Variants in STXBP5L observed in about 807,000 individuals in gnomAD.
STXBP5L encodes the protein syntaxin-binding protein 5-like.
In STXBP5L, 65 loss-of-function variants were observed where a neutral mutation model predicts 144.5. The ratio of observed to expected loss-of-function variants is 0.45; its 90% CI spans 0.37 to 0.55. The LOEUF (loss-of-function observed/expected upper bound fraction) is 0.55, where lower values mean the gene tolerates loss of function less well. STXBP5L is among the 20% of genes least tolerant of loss of function. The pLI is 0.00. For missense variants in STXBP5L, 1,298 were observed against 1,405.5 expected (o/e 0.92, Z 1.22); for synonymous variants, 505 against 469.6 (o/e 1.08, Z -0.97).
intron 5 of STXBP5L, among the ~76,000 whole-genome samples, chr3:121,081,100 G>C (rs975247937): frequency 3.3e-5 from 5 of 150,034 alleles, no homozygotes; most frequent in African/African-American, 1.2e-4. Context: ...TGAATGCCTT[G>C]TCTCTGACCT....
rs1374420166 is a variant in STXBP5L, at chr3:121,041,712, T to A, written c.300T>A (p.Pro100=). ...RTGAIRILGR[P]GVDCYCQHES... ...TTTATTATATTAGACTCGGGAGACCTGGTGTTGATTGCTATTGCCAACATG... is the reference window on the plus strand; with the variant it reads ...TTTATTATATTAGACTCGGGAGACCAGGTGTTGATTGCTATTGCCAACATG... Residue 100 remains proline, a synonymous_variant, in exon 4 of 27, where the codon CCT becomes CCA. Coordinates refer to ENST00000471454, the MANE Select transcript of STXBP5L (RefSeq NM_001308330.2). 6.2e-7 allele frequency: 1 copy of A among 1,612,186 alleles called. No homozygotes were observed. Among genetic ancestry groups the A allele is most frequent in the South Asian group, 1.1e-5 (1 of 91,032 alleles).
intron 3 of STXBP5L, among the ~76,000 whole-genome samples, chr3:120,997,133 A>G (rs778764726): frequency 6.6e-6 from 1 of 151,502 alleles, no homozygotes; most frequent in Non-Finnish European, 1.5e-5. Context: ...GATTTTTTTT[A>G]TGGCTGCATA....
intron 3 of STXBP5L, among the ~76,000 whole-genome samples, chr3:120,959,135 T>G (rs1938425120): frequency 6.6e-6 from 1 of 151,942 alleles, no homozygotes; most frequent in Non-Finnish European, 1.5e-5. Context: ...AAATCATGAG[T>G]GAACTCCCAT....
rs899715877 is a variant in STXBP5L, at chr3:121,422,955, G to A, written c.*3858G>A. 1 of 151,956 alleles carries A rather than the reference G, an allele frequency of 6.6e-6. No homozygotes were observed. Among genetic ancestry groups the A allele is most frequent in the African/African-American group, 2.4e-5 (1 of 41,360 alleles). 9.4% of individuals were successfully genotyped at this position (151,956 alleles called of 1,614,324 possible). On this transcript the variant is annotated 3_prime_UTR_variant, in exon 27 of 27. Transcript: ENST00000471454. ...ATTAGGCCTAACATTGGTTGAAGAAGATTAAAATAGATTCTTATATTCAAG... is the reference window on the plus strand; with the variant it reads ...ATTAGGCCTAACATTGGTTGAAGAAAATTAAAATAGATTCTTATATTCAAG...
intron 2 of STXBP5L, among the ~76,000 whole-genome samples, chr3:120,927,699 A>T (rs919606591): frequency 6.6e-6 from 1 of 151,746 alleles, no homozygotes; most frequent in Non-Finnish European, 1.5e-5. Flanking sequence ...CTTCCCTGTG[A>T]CCCTAGAAGC....
chr3:121,151,915 GAA>G (rs1332155506), intron 7 of STXBP5L, among the ~76,000 whole-genome samples: 3 of 151,462 alleles, frequency 2.0e-5, no homozygotes, highest in Non-Finnish European at 4.4e-5. Context: ...CTATTTTAAA[GAA>G]ATATTTTATT....
intron 3 of STXBP5L, among the ~76,000 whole-genome samples, chr3:121,001,010 G>T (rs184979406): frequency 5.9e-5 from 9 of 152,268 alleles, no homozygotes; most frequent in African/African-American, 1.7e-4. Flanking sequence ...CGGGGGGAAG[G>T]GGGTAAGTGT....
intron 9 of STXBP5L, among the ~76,000 whole-genome samples, chr3:121,161,395 G>T (rs2046317566): frequency 6.6e-6 from 1 of 151,946 alleles, no homozygotes; most frequent in South Asian, 2.1e-4. Flanking sequence ...GGAATCTGTA[G>T]TAGCTTGAAT....
At chr3:120,975,328 G>T (rs1940834767) in intron 3 of STXBP5L, among the ~76,000 whole-genome samples, 1 of 152,142 alleles carries the variant, frequency 6.6e-6, no homozygotes, top group South Asian at 2.1e-4. Context: ...GTTCACTCAT[G>T]ATTTGGCTCT....
intron 7 of STXBP5L, among the ~76,000 whole-genome samples, chr3:121,143,725 G>A (rs1559793607): frequency 2.0e-5 from 3 of 151,810 alleles, no homozygotes; most frequent in Admixed American, 2.0e-4. Context: ...TTTTAAACAA[G>A]TGGTATTGAG....
At chr3:121,243,066 C>T (rs893806983) in intron 14 of STXBP5L, among the ~76,000 whole-genome samples, 2 of 152,150 alleles carry the variant, frequency 1.3e-5, no homozygotes, top group Admixed American at 1.3e-4. Flanking sequence ...AAGTGCAACT[C>T]ATGGCTTCAC....
At chr3:121,343,931 G>C (rs556584340) in intron 20 of STXBP5L, among the ~76,000 whole-genome samples, 1 of 150,406 alleles carries the variant, frequency 6.6e-6, no homozygotes, top group East Asian at 2.0e-4. Flanking sequence ...AAAAGAGCCT[G>C]CATCACCAAG....
chr3:121,402,811 G>T (rs1167460372), intron 22 of STXBP5L, among the ~76,000 whole-genome samples: 1 of 152,026 alleles, frequency 6.6e-6, no homozygotes, highest in Non-Finnish European at 1.5e-5. Flanking sequence ...CCTTTTGGTT[G>T]TGTGTGTATG....
At chr3:120,937,757 A>T (rs1001446686) in intron 2 of STXBP5L, among the ~76,000 whole-genome samples, 2 of 152,218 alleles carry the variant, frequency 1.3e-5, no homozygotes, top group African/African-American at 4.8e-5. Flanking sequence ...AAAAAACTTA[A>T]AATCTTAGGG....
At chr3:121,402,748 C>T (rs1011913138) in intron 22 of STXBP5L, among the ~76,000 whole-genome samples, 1 of 152,078 alleles carries the variant, frequency 6.6e-6, no homozygotes. Flanking sequence ...ACTATATTTT[C>T]CTAGTCCTTG....
At chr3:121,347,058 T>G (rs976416071) in intron 20 of STXBP5L, among the ~76,000 whole-genome samples, 4 of 152,120 alleles carry the variant, frequency 2.6e-5, no homozygotes, top group Non-Finnish European at 5.9e-5. Flanking sequence ...ATTGCCTAGG[T>G]TTTCTTTTAG....
At chr3:120,974,768 C>A (rs1015380329) in intron 3 of STXBP5L, among the ~76,000 whole-genome samples, 16 of 152,272 alleles carry the variant, frequency 1.1e-4, no homozygotes, top group East Asian at 1.9e-4. Flanking sequence ...TATGGCTAGC[C>A]AGTTTTCCCA....
chr3:121,337,046 A>G (rs574833302), intron 20 of STXBP5L, among the ~76,000 whole-genome samples: 1 of 152,294 alleles, frequency 6.6e-6, no homozygotes, highest in African/African-American at 2.4e-5. Flanking sequence ...TGGGAGCTAA[A>G]TGATGAGAAC....
chr3:121,203,371 C>T (rs1164460502), intron 9 of STXBP5L, among the ~76,000 whole-genome samples: 5 of 152,094 alleles, frequency 3.3e-5, no homozygotes, highest in Non-Finnish European at 5.9e-5. Context: ...TAATCTCAAC[C>T]TCTACAGCAC....
Sources: allele counts gnomAD v4.1 joint callset (sites outside exome capture counted in the v4.1 genomes callset), GRCh38; gene constraint gnomAD v4.1.1; transcripts MANE v1.5; gene names NCBI Gene and HGNC (gene_info 2026-07-23, HGNC 2026-07-21).